Variants in SRCAP observed in about 807,000 individuals in gnomAD.
The protein encoded by SRCAP is Snf2 related CREBBP activator protein, also known as chromatin remodeling protein SRCAP.
SRCAP carries 46 observed loss-of-function variants against 263.1 expected under a neutral mutation model. That is an observed-to-expected ratio of 0.17 (90% confidence interval 0.14 to 0.22). The LOEUF (loss-of-function observed/expected upper bound fraction) is 0.22. Ranked by LOEUF, SRCAP falls within the 10% of genes least tolerant of loss-of-function variation. The probability of loss-of-function intolerance (pLI) is 1.00; values close to 1 mark genes in which losing one functional copy is unlikely to be tolerated. For synonymous variants in SRCAP, 1,813 were observed against 1,662.1 expected, an observed-to-expected ratio of 1.09 and a Z score of -2.21; for missense variants, 3,695 against 4,181.9, an observed-to-expected ratio of 0.88 and a Z score of 3.21.
In SRCAP at chr16:30,737,991, G is replaced by A; in HGVS notation, c.7951G>A (p.Gly2651Ser). The change falls in exon 34 of 34, where the codon GGC becomes AGC. Residue 2651 changes from glycine (G) to serine (S), a missense_variant. By Grantham distance (56) the Gly-to-Ser change is moderately conservative. Coordinates refer to ENST00000262518, the MANE Select transcript of SRCAP (RefSeq NM_006662.3). ...ELPLCVSESN[G>S]LELPPSAASD... ...GCCCCTGTGTGTGAGTGAGAGCAAT[G>A]GCCTGGAGCTCCCACCCTCAGCAGC... 1 of 1,614,116 alleles carries A rather than the reference G, an allele frequency of 6.2e-7. No homozygotes were observed. Among genetic ancestry groups the A allele is most frequent in the Non-Finnish European group, 8.5e-7 (1 of 1,180,028 alleles).
Position 30,724,820 on chromosome 16 carries a change from G to C in SRCAP, c.5396G>C (p.Gly1799Ala). 2 of 1,613,790 alleles carry C rather than the reference G, an allele frequency of 1.2e-6. No homozygotes were observed. Among genetic ancestry groups the C allele is most frequent in the Non-Finnish European group, 1.7e-6 (2 of 1,179,798 alleles). Residue 1799 changes from glycine (G) to alanine (A), a missense_variant, in exon 25 of 34, where the codon GGC (glycine) becomes GCC (alanine). This residue lies in a region of SRCAP where 1,347 missense variants were observed against 1,304.4 expected (regional missense o/e 1.03). Transcript: ENST00000262518. The part of the protein sequence containing the change: ...TLSPAPVPTL[G>A]PAAAQTLALA... Reference sequence around the variant, plus strand: ...AGCCCTGCCCCAGTTCCTACCCTGGGCCCGGCCGCAGCTCAGACCTTGGCG... The same window carrying C: ...AGCCCTGCCCCAGTTCCTACCCTGGCCCCGGCCGCAGCTCAGACCTTGGCG...
intron 16 of SRCAP, among the ~76,000 whole-genome samples, chr16:30,714,717 T>G (rs1276544228): frequency 1.3e-5 from 2 of 151,702 alleles, no homozygotes; most frequent in East Asian, 3.9e-4. Context: ...GCCAGGCTGG[T>G]CTCGAACTCC....
At chr16:30,705,293 G>T (rs1452806126) in intron 4 of SRCAP, among the ~76,000 whole-genome samples, 1 of 151,966 alleles carries the variant, frequency 6.6e-6, no homozygotes, top group Non-Finnish European at 1.5e-5. Flanking sequence ...GTGAGACTCT[G>T]TCTCAAAAAA....
chr16:30,738,660 GGGAGA>G lies in SRCAP; in HGVS notation c.8623_8627del (p.Arg2875CysfsTer3), dbSNP rs2053186795. The G allele has an allele frequency of 1.2e-6, 2 of 1,613,046 alleles. No individual in the cohort carries two copies. The highest frequency in any genetic ancestry group is 1.7e-6 in the Non-Finnish European group (2 of 1,179,604). The stretch of plus-strand genomic sequence containing the variant: ...GAAGAACAGGTCTCCAGCAGATGCT[GGGAGA>G]GGTGTGGATGAGGCACCCTCATCCA... On this transcript the variant is annotated frameshift_variant, in exon 34 of 34. Transcript: ENST00000262518.
chr16:30,718,333 C>G (rs761739834), intron 18 of SRCAP, among the ~76,000 whole-genome samples: 37 of 152,066 alleles, frequency 2.4e-4, no homozygotes, highest in Non-Finnish European at 3.8e-4. Flanking sequence ...TGCGCCACCA[C>G]GCCCAGCTAA....
intron 27 of SRCAP, 56 bp downstream of exon 27, chr16:30,729,628 G>A: frequency 6.3e-7 from 1 of 1,593,816 alleles, no homozygotes; most frequent in Non-Finnish European, 8.6e-7. Context: ...TTAGTATTAA[G>A]ACTGTTGTAT....
At position 30,738,798 on chromosome 16, in the gene SRCAP, G is replaced by A. The variant is rs752510481; in HGVS notation, c.8758G>A (p.Gly2920Arg). 6 of 1,613,830 alleles carry A rather than the reference G, an allele frequency of 3.7e-6. No homozygotes were observed. In the South Asian group the frequency reaches 6.6e-5, roughly 18 times the overall value. The change falls in exon 34 of 34, where the codon GGA becomes AGA. Residue 2920 changes from glycine (G) to arginine (R), a missense_variant. Physicochemically the swap from Gly to Arg is moderately radical, Grantham distance 125 (BLOSUM62 -2). Transcript: ENST00000262518. ...GCTTATTCCTGGGCCCCAGCCTCTT[G>A]GACCCCAGCCAGTTCACAGACCCAA... ...PQLIPGPQPL[G>R]PQPVHRPNPL...
At chr16:30,712,586 A>G (rs2052903699) in intron 13 of SRCAP, 93 bp from the exon 14 acceptor site, 3 of 1,573,298 alleles carry the variant, frequency 1.9e-6, no homozygotes, top group Non-Finnish European at 2.6e-6. Flanking sequence ...TAGGATTCCT[A>G]GGAAGGGCCA....
At chr16:30,716,585 C>A (rs775688481) in intron 18 of SRCAP, 106 bp downstream of exon 18, 23 of 936,726 alleles carry the variant, frequency 2.5e-5, no homozygotes, top group Non-Finnish European at 3.4e-5. Context: ...CTCATGACTC[C>A]CCTATCATTC....
In SRCAP at chr16:30,738,793, C is replaced by T. The variant is rs145422855; in HGVS notation, c.8753C>T (p.Pro2918Leu). The stretch of plus-strand genomic sequence containing the variant: ...CCACAGCTTATTCCTGGGCCCCAGC[C>T]TCTTGGACCCCAGCCAGTTCACAGA... Reference protein sequence around the residue: ...LEPQLIPGPQPLGPQPVHRPN... With the variant: ...LEPQLIPGPQLLGPQPVHRPN... The change falls in exon 34 of 34, where the codon CCT becomes CTT. Residue 2918 changes from proline (P) to leucine (L), a missense_variant. By Grantham distance (98) the Pro-to-Leu change is moderately conservative. Coordinates refer to ENST00000262518, the MANE Select transcript of SRCAP (RefSeq NM_006662.3). 6.2e-7 allele frequency: 1 copy of T among 1,613,824 alleles called. No individual in the cohort carries two copies. The highest frequency in any genetic ancestry group is 8.5e-7 in the Non-Finnish European group (1 of 1,179,840).
At chr16:30,714,411 G>A (rs933733177) in intron 16 of SRCAP, among the ~76,000 whole-genome samples, 25 of 151,704 alleles carry the variant, frequency 1.6e-4, no homozygotes, top group African/African-American at 5.8e-4. Flanking sequence ...GAGTTTCACC[G>A]TGTTAGCCAG....
Position 30,720,986 on chromosome 16 carries a change from G to T in SRCAP, c.3253+8G>T. On this transcript the variant is annotated splice_region_variant and intron_variant, in intron 20 of 33. Transcript: ENST00000262518. ...GTGGTTCTCTCCCCCAGGGTGAGTT[G>T]AAAGGGAGCCAAGGATGATGCGTGG... 1 of 1,592,238 alleles carries T rather than the reference G, an allele frequency of 6.3e-7. No homozygotes were observed. Among genetic ancestry groups the T allele is most frequent in the Non-Finnish European group, 8.6e-7 (1 of 1,168,862 alleles).
rs886051903 is a variant in SRCAP, at chr16:30,720,792, C to G, written c.3067C>G (p.Pro1023Ala). Residue 1023 changes from proline to alanine, a missense_variant, in exon 20 of 34, where the codon CCA (proline) becomes GCA (alanine). This residue lies in a region of SRCAP where 1,347 missense variants were observed against 1,304.4 expected (regional missense o/e 1.03). Transcript: ENST00000262518. ...NNPRAPLGPV[P>A]VRPPPGPELS... ...CCCACGGGCGCCCCTGGGCCCTGTCCCAGTTCGACCTCCTCCAGGTCCTGA... is the reference window on the plus strand; with the variant it reads ...CCCACGGGCGCCCCTGGGCCCTGTCGCAGTTCGACCTCCTCCAGGTCCTGA... 1.2e-5 allele frequency: 19 copies of G among 1,614,004 alleles called. No individual in the cohort carries two copies. The highest frequency in any genetic ancestry group is 1.5e-5 in the Non-Finnish European group (18 of 1,180,032).
In SRCAP at chr16:30,704,279, G is replaced by C. The variant is rs757440326; in HGVS notation, c.270G>C (p.Glu90Asp). 3.1e-6 allele frequency: 5 copies of C among 1,612,996 alleles called. No homozygotes were observed. The highest frequency in any genetic ancestry group is 4.2e-6 in the Non-Finnish European group (5 of 1,179,082). ...TGGCTAACAAGGGCCCGAAGTGGGA[G>C]AAGAGCCATGCCGAAATTGCAGAAC... is the stretch of plus-strand genomic sequence containing the variant. ...ADLANKGPKW[E>D]KSHAEIAEQA... The change falls in exon 4 of 34, where the codon GAG becomes GAC. Residue 90 changes from glutamate (E) to aspartate (D), a missense_variant. This residue lies in a region of SRCAP where 122 missense variants were observed against 116.9 expected (regional missense o/e 1.04). Coordinates refer to ENST00000262518, the MANE Select transcript of SRCAP (RefSeq NM_006662.3).
rs779616437 is a variant in SRCAP at position 30,721,452 on chromosome 16, C to G, written c.3517C>G (p.Pro1173Ala). ...TPAPQRLILS[P>A]DMQARLPSGE... The stretch of plus-strand genomic sequence containing the variant: ...TGCACCACAGCGCCTCATTCTATCT[C>G]CCGATATGCAGGCTCGCCTGCCCTG... The change falls in exon 21 of 34, where the codon CCC (proline) becomes GCC (alanine). Residue 1173 changes from proline to alanine, a missense_variant. Pro to Ala is a conservative substitution (Grantham distance 27, BLOSUM62 -1). Transcript: ENST00000262518. 1 of 1,611,718 alleles carries G rather than the reference C, an allele frequency of 6.2e-7. No homozygotes were observed. The highest frequency in any genetic ancestry group is 8.5e-7 in the Non-Finnish European group (1 of 1,180,018).
chr16:30,729,965 G>T (rs372352325), intron 27 of SRCAP, among the ~76,000 whole-genome samples: 1 of 151,972 alleles, frequency 6.6e-6, no homozygotes, highest in East Asian at 1.9e-4. Context: ...ATGGGATTTC[G>T]CCATGTTGGC....
intron 27 of SRCAP, among the ~76,000 whole-genome samples, chr16:30,732,548 T>TA (rs1463604426): frequency 6.6e-6 from 1 of 152,212 alleles, no homozygotes; most frequent in African/African-American, 2.4e-5. Context: ...TTGAACTAGA[T>TA]AAACTTTCTA....
Position 30,739,363 on chromosome 16 carries a change from C to A in SRCAP, c.9323C>A (p.Pro3108Gln), listed in dbSNP as rs774866244. 1.2e-6 allele frequency: 2 copies of A among 1,614,042 alleles called. No individual in the cohort carries two copies. Among genetic ancestry groups the A allele is most frequent in the Non-Finnish European group, 1.7e-6 (2 of 1,180,006 alleles). Reference sequence around the variant, plus strand: ...GGGCCAGGCGGGTTGGAATTGACACCACCTGTGGTCTCACTAACCCCAAAA... The same window carrying A: ...GGGCCAGGCGGGTTGGAATTGACACAACCTGTGGTCTCACTAACCCCAAAA... ...DSGPGGLELT[P>Q]PVVSLTPKLR... Residue 3108 changes from proline (P) to glutamine (Q), a missense_variant, in exon 34 of 34, where the codon CCA becomes CAA. Physicochemically the swap from Pro to Gln is moderately conservative, Grantham distance 76 (BLOSUM62 -1). Coordinates refer to ENST00000262518, the MANE Select transcript of SRCAP (RefSeq NM_006662.3).
In SRCAP at chr16:30,739,913, A is replaced by T; in HGVS notation, c.*180A>T. On this transcript the variant is annotated 3_prime_UTR_variant, in exon 34 of 34. Coordinates refer to ENST00000262518, the MANE Select transcript of SRCAP (RefSeq NM_006662.3). ...ACTGGTTGTCATGGAAATGGGGATC[A>T]TCACAGTCCCCTTCCCCTTCACCCC... The T allele has an allele frequency of 2.0e-6, 2 of 997,242 alleles. No homozygotes were observed. Among genetic ancestry groups the T allele is most frequent in the Non-Finnish European group, 1.4e-6 (1 of 726,696 alleles). 61.8% of individuals were successfully genotyped at this position (997,242 alleles called of 1,614,324 possible).
Sources: gnomAD v4.1 joint callset for allele counts (sites outside exome capture counted in the v4.1 genomes callset) on GRCh38, gnomAD v4.1.1 for gene constraint, gnomAD v4.1.1 regional missense constraint, MANE v1.5 for transcripts, NCBI Gene and HGNC (gene_info 2026-07-23, HGNC 2026-07-21) for gene names.